SORBS2: variants seen among roughly 807,000 people sequenced by gnomAD.
SORBS2 encodes sorbin and SH3 domain containing 2, also known as sorbin and SH3 domain-containing protein 2.
A neutral mutation model predicts 97.7 loss-of-function variants in SORBS2; 46 were observed. The ratio of observed to expected loss-of-function variants is 0.47; its 90% CI spans 0.37 to 0.60. SORBS2 has a LOEUF of 0.60. Ranked by LOEUF, SORBS2 falls within the 20% of genes least tolerant of loss-of-function variation. The probability of loss-of-function intolerance (pLI) is 0.00; values close to 1 mark genes in which losing one functional copy is unlikely to be tolerated. For missense variants in SORBS2, 1,316 were observed against 1,282.3 expected (o/e 1.03, Z -0.40); for synonymous variants, 476 against 473.4 (o/e 1.01, Z -0.07).
intron 2 of SORBS2, among the ~76,000 whole-genome samples, chr4:185,715,941 A>G (rs560547786): frequency 2.0e-5 from 3 of 152,366 alleles, no homozygotes; most frequent in Non-Finnish European, 4.4e-5. Context: ...ATGTCCTACA[A>G]TGTGACTGCT....
At chr4:185,833,305 A>T (rs765165522) in intron 1 of SORBS2, among the ~76,000 whole-genome samples, 7 of 152,206 alleles carry the variant, frequency 4.6e-5, no homozygotes, top group Non-Finnish European at 1.0e-4. Flanking sequence ...ATGGGAGGTC[A>T]CTGTCCCCTT....
intron 1 of SORBS2, among the ~76,000 whole-genome samples, chr4:185,880,782 T>C (rs886646152): frequency 3.3e-5 from 5 of 152,190 alleles, no homozygotes; most frequent in African/African-American, 1.2e-4. Flanking sequence ...TTTCAGCTCA[T>C]AGGCTGGAAG....
intron 1 of SORBS2, among the ~76,000 whole-genome samples, chr4:185,780,263 C>A (rs2099021781): frequency 6.6e-6 from 1 of 152,220 alleles, no homozygotes; most frequent in African/African-American, 2.4e-5. Context: ...GATCCACGCA[C>A]CTCAGCCTCC....
intron 1 of SORBS2, among the ~76,000 whole-genome samples, chr4:185,809,600 G>A (rs1326514508): frequency 6.6e-6 from 1 of 151,980 alleles, no homozygotes; most frequent in African/African-American, 2.4e-5. Flanking sequence ...AAGTCTTGAA[G>A]GATAGAGATT....
At chr4:185,745,232 T>G (rs2098752744) in intron 2 of SORBS2, among the ~76,000 whole-genome samples, 1 of 152,060 alleles carries the variant, frequency 6.6e-6, no homozygotes, top group Non-Finnish European at 1.5e-5. Context: ...CAGTGGGGAC[T>G]AGGGAAGCAG....
At chr4:185,748,540 G>A (rs752629053) in intron 2 of SORBS2, among the ~76,000 whole-genome samples, 38 of 152,158 alleles carry the variant, frequency 2.5e-4, no homozygotes, top group Admixed American at 9.2e-4. Context: ...TCCACAGGAT[G>A]CCAGCTTAGC....
chr4:185,737,303 C>A (rs958870950), intron 2 of SORBS2, among the ~76,000 whole-genome samples: 2 of 152,106 alleles, frequency 1.3e-5, no homozygotes, highest in African/African-American at 4.8e-5. Context: ...CAGGAGAAAG[C>A]AAAGTGGCTG....
chr4:185,662,287 C>T (rs755612906), intron 4 of SORBS2, 45 bp from the exon 8 acceptor site: 28 of 1,546,890 alleles, frequency 1.8e-5, no homozygotes, highest in African/African-American at 5.5e-5. Context: ...CACATAGTTC[C>T]CTGTAAACAT....
intron 1 of SORBS2, among the ~76,000 whole-genome samples, chr4:185,910,956 T>G (rs2099254694): frequency 7.1e-6 from 1 of 140,130 alleles, no homozygotes; most frequent in South Asian, 2.3e-4. Context: ...GGTGTTTGAT[T>G]TTTTAAAAAA....
At chr4:185,877,014 C>T (rs554971707) in intron 1 of SORBS2, among the ~76,000 whole-genome samples, 2 of 152,268 alleles carry the variant, frequency 1.3e-5, no homozygotes, top group Admixed American at 1.3e-4. Context: ...TTTTGAAATG[C>T]AGTTTCTCTT....
intron 2 of SORBS2, among the ~76,000 whole-genome samples, chr4:185,721,860 C>T (rs374453994): frequency 2.6e-4 from 40 of 152,280 alleles, no homozygotes; most frequent in African/African-American, 9.6e-4. Flanking sequence ...TATAATTAGG[C>T]CCTGTGTTGC....
chr4:185,801,060 C>G (rs968807521), intron 1 of SORBS2, among the ~76,000 whole-genome samples: 2 of 152,212 alleles, frequency 1.3e-5, no homozygotes, highest in Non-Finnish European at 2.9e-5. Context: ...CCACCAATTC[C>G]TGGCAACCAC....
At chr4:185,826,083 T>C (rs890265857) in intron 1 of SORBS2, among the ~76,000 whole-genome samples, 5 of 152,204 alleles carry the variant, frequency 3.3e-5, no homozygotes, top group African/African-American at 1.2e-4. Context: ...TGGAGAAGCA[T>C]CGTTTCAGTC....
chr4:185,679,264 A>AT (rs536520695), intron 2 of SORBS2, among the ~76,000 whole-genome samples: 16 of 150,902 alleles, frequency 1.1e-4, no homozygotes, highest in African/African-American at 2.9e-4. Context: ...TGTAGTTCGC[A>AT]TTTTTTTTTA....
intron 2 of SORBS2, among the ~76,000 whole-genome samples, chr4:185,761,141 CCAAAG>C (rs2098886332): frequency 6.6e-6 from 1 of 152,148 alleles, no homozygotes; most frequent in South Asian, 2.1e-4. Flanking sequence ...CTTCCATGCC[CCAAAG>C]CAAACACCTG....
chr4:185,638,187 G>A lies in SORBS2; in HGVS notation c.397-7589C>T, dbSNP rs1158963785. 20 of 1,417,526 alleles carry A rather than the reference G, an allele frequency of 1.4e-5. No homozygotes were observed. The Admixed American group carries it at 3.0e-4, about 21-fold the overall frequency. 87.8% of individuals were successfully genotyped at this position (1,417,526 alleles called of 1,614,324 possible). On this transcript the variant is annotated intron_variant, in intron 4 of 14. Coordinates refer to ENST00000418609, the Ensembl canonical transcript of SORBS2. ...TCTAGAGCAGATGTGAAGGAAAAGG[G>A]AAGGAAAAGGCACACTGAGCAAAGT...
At chr4:185,676,127 T>C (rs928073927) in intron 4 of SORBS2, among the ~76,000 whole-genome samples, 22 of 152,222 alleles carry the variant, frequency 1.4e-4, no homozygotes, top group Admixed American at 1.2e-3. Flanking sequence ...TTAACAGCTG[T>C]CATTGAGTGC....
At chr4:185,946,585 A>G (rs567646186) in intron 1 of SORBS2, among the ~76,000 whole-genome samples, 1 of 152,230 alleles carries the variant, frequency 6.6e-6, no homozygotes, top group Non-Finnish European at 1.5e-5. Flanking sequence ...TAATCAAAAC[A>G]TCAGCAAAGG....
intron 1 of SORBS2, among the ~76,000 whole-genome samples, chr4:185,954,319 A>C (rs2099278602): frequency 6.6e-6 from 1 of 152,238 alleles, no homozygotes. Context: ...ATACATTTAA[A>C]AAATCTTATT....
Sources: gnomAD v4.1 joint callset for allele counts (sites outside exome capture counted in the v4.1 genomes callset) on GRCh38, gnomAD v4.1.1 for gene constraint, MANE v1.5 for transcripts, NCBI Gene and HGNC (gene_info 2026-07-23, HGNC 2026-07-21) for gene names.